The following MS4A14 variants were observed in gnomAD, a reference collection of about 807,000 sequenced individuals.
MS4A14 encodes membrane-spanning 4-domains subfamily A member 14.
In MS4A14, 18 loss-of-function variants were observed where a neutral mutation model predicts 16.7. That is an observed-to-expected ratio of 1.08 (90% confidence interval 0.75 to 1.60). The LOEUF (loss-of-function observed/expected upper bound fraction) is 1.60. Among genes scored for constraint, MS4A14 ranks in the 40% most tolerant of loss-of-function variants. The pLI is 0.00. For missense variants in MS4A14, 812 were observed against 775.3 expected, an observed-to-expected ratio of 1.05 and a Z score of -0.56; for synonymous variants, 305 against 289.4, an observed-to-expected ratio of 1.05 and a Z score of -0.55.
intron 4 of MS4A14, among the ~76,000 whole-genome samples, chr11:60,409,347 A>G (rs946980619): frequency 1.3e-5 from 2 of 152,072 alleles, no homozygotes; most frequent in Admixed American, 6.6e-5. Context: ...GCCTCTGGTA[A>G]CCACTATTCT....
At chr11:60,406,472 C>A (rs2085788016) in intron 4 of MS4A14, among the ~76,000 whole-genome samples, 1 of 152,194 alleles carries the variant, frequency 6.6e-6, no homozygotes, top group African/African-American at 2.4e-5. Context: ...TGAGCACCAA[C>A]TTAATCTTAA....
In MS4A14 at chr11:60,403,036, G is replaced by A. The variant is rs1397330855; in HGVS notation, c.443G>A (p.Cys148Tyr). 1.2e-6 allele frequency: 2 copies of A among 1,613,718 alleles called. No individual in the cohort carries two copies. The highest frequency in any genetic ancestry group is 2.2e-5 in the East Asian group (1 of 44,868). The change falls in exon 4 of 5, where the codon TGT becomes TAT. Residue 148 changes from cysteine (C) to tyrosine (Y), a missense_variant. Transcript: ENST00000300187. ...YCQMPSFEEI[C>Y]VFSRTLFIVL... ...CAGATGCCATCCTTTGAAGAAATAT[G>A]TGTTTTCAGTAGAACTCTTTTCATT...
At chr11:60,412,115 T>C (rs1044796319) in intron 4 of MS4A14, among the ~76,000 whole-genome samples, 1 of 152,066 alleles carries the variant, frequency 6.6e-6, no homozygotes, top group African/African-American at 2.4e-5. Flanking sequence ...TTTCACTTCA[T>C]CATATGAATA....
chr11:60,402,602 T>C (rs1175062973), intron 3 of MS4A14, among the ~76,000 whole-genome samples: 1 of 152,182 alleles, frequency 6.6e-6, no homozygotes, highest in Non-Finnish European at 1.5e-5. Flanking sequence ...AGCAAAGATA[T>C]TTGCTAACAC....
At chr11:60,412,759 G>C (rs1193444822) in intron 4 of MS4A14, among the ~76,000 whole-genome samples, 4 of 151,828 alleles carry the variant, frequency 2.6e-5, no homozygotes, top group African/African-American at 9.7e-5. Context: ...TTATGCTAGA[G>C]TAATTCTTGA....
At chr11:60,414,859 T>G (rs1385902384) in intron 4 of MS4A14, among the ~76,000 whole-genome samples, 1 of 152,064 alleles carries the variant, frequency 6.6e-6, no homozygotes, top group Non-Finnish European at 1.5e-5. Flanking sequence ...TAATTCCTAC[T>G]CAGCTGTTAA....
chr11:60,400,525 T>C, intron 3 of MS4A14, 71 bp downstream of exon 3: 1 of 1,120,764 alleles, frequency 8.9e-7, no homozygotes, highest in Non-Finnish European at 1.3e-6. Context: ...TATGAAGCCT[T>C]TAGTAATAAA....
intron 4 of MS4A14, among the ~76,000 whole-genome samples, chr11:60,406,322 A>G (rs543962745): frequency 6.6e-6 from 1 of 152,194 alleles, no homozygotes; most frequent in African/African-American, 2.4e-5. Context: ...TTCTTGGATC[A>G]TAAGATGTGT....
rs750443787 is a variant in MS4A14 at position 60,416,314 on chromosome 11, A to T, written c.1346A>T (p.Asn449Ile). ...CAACCAGAAAACACTGAACCTCAAAACCAGCAAATTTTACAAATGTCATAT... is the reference window on the plus strand; with the variant it reads ...CAACCAGAAAACACTGAACCTCAAATCCAGCAAATTTTACAAATGTCATAT... ...DLQPENTEPQNQQILQMSYQD... is the reference protein window; with the variant it reads ...DLQPENTEPQIQQILQMSYQD... The change falls in exon 5 of 5, where the codon AAC (asparagine) becomes ATC (isoleucine). Residue 449 changes from asparagine to isoleucine, a missense_variant. By Grantham distance (149) the Asn-to-Ile change is moderately radical. Coordinates refer to ENST00000300187, the MANE Select transcript of MS4A14 (RefSeq NM_032597.5). 4.3e-6 allele frequency: 7 copies of T among 1,613,866 alleles called. No individual in the cohort carries two copies. Among genetic ancestry groups the T allele is most frequent in the Non-Finnish European group, 5.9e-6 (7 of 1,179,962 alleles).
chr11:60,416,394 G>C lies in MS4A14; in HGVS notation c.1426G>C (p.Glu476Gln). 1 of 1,613,952 alleles carries C rather than the reference G, an allele frequency of 6.2e-7. No individual in the cohort carries two copies. Among genetic ancestry groups the C allele is most frequent in the Non-Finnish European group, 8.5e-7 (1 of 1,179,956 alleles). Residue 476 changes from glutamate (E) to glutamine (Q), a missense_variant, in exon 5 of 5, where the codon GAA becomes CAA. Physicochemically the swap from Glu to Gln is conservative, Grantham distance 29 (BLOSUM62 2). Transcript: ENST00000300187. ...GACCAAAGAATGGAAATCTGAGGAGGAACTCCATAGAAGAAAATCCTCAAG... is the reference window on the plus strand; with the variant it reads ...GACCAAAGAATGGAAATCTGAGGAGCAACTCCATAGAAGAAAATCCTCAAG... ...EETKEWKSEE[E>Q]LHRRKSSRRH...
At chr11:60,398,047 C>T in intron 2 of MS4A14, 67 bp downstream of exon 2, 2 of 1,553,166 alleles carry the variant, frequency 1.3e-6, no homozygotes, top group South Asian at 2.3e-5. Flanking sequence ...GCTTCACGTC[C>T]TAGGGTAATG....
At chr11:60,400,504 T>A (rs1269335892) in intron 3 of MS4A14, 50 bp downstream of exon 3, 11 of 1,334,624 alleles carry the variant, frequency 8.2e-6, no homozygotes, top group Non-Finnish European at 1.2e-5. Flanking sequence ...TTGTTTTATA[T>A]CATCTTTATG....
Position 60,396,526 on chromosome 11 carries a change from T to C in MS4A14, c.-53T>C. The C allele has an allele frequency of 6.3e-7, 1 of 1,589,880 alleles. No individual in the cohort carries two copies. Among genetic ancestry groups the C allele is most frequent in the Non-Finnish European group, 8.6e-7 (1 of 1,168,200 alleles). ...TCTGGTGGAGAGGTAGATCATGATT[T>C]GGGCGGCAATGTTTGCTCACTCTTT... On this transcript the variant is annotated 5_prime_UTR_variant, in exon 1 of 5. Transcript: ENST00000300187.
In MS4A14 at chr11:60,416,363, G is replaced by A. The variant is rs2085943682; in HGVS notation, c.1395G>A (p.Met465Ile). The A allele has an allele frequency of 6.2e-7, 1 of 1,613,848 alleles. No homozygotes were observed. Among genetic ancestry groups the A allele is most frequent in the Non-Finnish European group, 8.5e-7 (1 of 1,179,954 alleles). Residue 465 changes from methionine (M) to isoleucine (I), a missense_variant, in exon 5 of 5, where the codon ATG (methionine) becomes ATA (isoleucine). Physicochemically the swap from Met to Ile is conservative, Grantham distance 10. Transcript: ENST00000300187. ...ATCAAGATATTAGATCAGAAGTTAT[G>A]GAAGAGACCAAAGAATGGAAATCTG... ...MSYQDIRSEV[M>I]EETKEWKSEE...
chr11:60,404,694 T>C (rs938692780), intron 4 of MS4A14: 4 of 427,366 alleles, frequency 9.4e-6, no homozygotes, highest in African/African-American at 2.0e-5. Flanking sequence ...CTCATCCTCA[T>C]ACTTAAATCT....
chr11:60,407,302 T>A (rs894216598), intron 4 of MS4A14, among the ~76,000 whole-genome samples: 1 of 152,236 alleles, frequency 6.6e-6, no homozygotes, highest in Non-Finnish European at 1.5e-5. Flanking sequence ...ATTACAGGTG[T>A]GCGCCACTGC....
intron 3 of MS4A14, among the ~76,000 whole-genome samples, chr11:60,401,176 G>A (rs566543452): frequency 1.3e-5 from 2 of 152,270 alleles, no homozygotes; most frequent in African/African-American, 4.8e-5. Flanking sequence ...AAGGCAAGAT[G>A]ATGCTTAAAT....
At chr11:60,401,380 T>C (rs1001383077) in intron 3 of MS4A14, among the ~76,000 whole-genome samples, 4 of 152,150 alleles carry the variant, frequency 2.6e-5, no homozygotes, top group African/African-American at 4.8e-5. Context: ...ATGCAGACAA[T>C]GCAGATGAAG....
chr11:60,399,599 A>G (rs1044872280), intron 2 of MS4A14, among the ~76,000 whole-genome samples: 11 of 152,188 alleles, frequency 7.2e-5, no homozygotes, highest in Admixed American at 7.2e-4. Flanking sequence ...AATTAATTCA[A>G]TTATAACAGT....
Sources: allele counts gnomAD v4.1 joint callset (sites outside exome capture counted in the v4.1 genomes callset), GRCh38; gene constraint gnomAD v4.1.1; transcripts MANE v1.5; gene names NCBI Gene and HGNC (gene_info 2026-07-23, HGNC 2026-07-21).